Variants in GCNT1 observed in about 807,000 individuals in gnomAD.
GCNT1 encodes beta-1,3-galactosyl-O-glycosyl-glycoprotein beta-1,6-N-acetylglucosaminyltransferase.
GCNT1 carries 16 observed loss-of-function variants against 26.2 expected under a neutral mutation model. The observed-to-expected ratio is 0.61, with a 90% confidence interval of 0.41 to 0.93. The LOEUF is 0.93. Ranked by LOEUF, GCNT1 falls within the 40% of genes least tolerant of loss-of-function variation. GCNT1 has a pLI of 0.00. For missense variants in GCNT1, 477 were observed against 526.7 expected, an observed-to-expected ratio of 0.91 and a Z score of 0.92; for synonymous variants, 183 against 190.8, an observed-to-expected ratio of 0.96 and a Z score of 0.34.
intron 2 of GCNT1, among the ~76,000 whole-genome samples, chr9:76,474,081 C>T (rs1285425391): frequency 6.6e-6 from 1 of 152,152 alleles, no homozygotes; most frequent in Non-Finnish European, 1.5e-5. Flanking sequence ...GCTTGGGTAA[C>T]AGAGCGATAC....
the GCNT1 span, among the ~76,000 whole-genome samples, chr9:76,407,520 G>A: frequency 6.6e-6 from 1 of 152,104 alleles, no homozygotes. Context: ...AGTAAATCCT[G>A]TAGCTTTATA....
intron 1 of GCNT1, among the ~76,000 whole-genome samples, chr9:76,428,691 C>T (rs1587406154): frequency 1.4e-5 from 2 of 144,504 alleles, no homozygotes; most frequent in East Asian, 2.0e-4. Context: ...GTAGCTGTTG[C>T]GTATTCTATT....
At chr9:76,412,380 C>T in the GCNT1 span, among the ~76,000 whole-genome samples, 2 of 152,264 alleles carry the variant, frequency 1.3e-5, no homozygotes, top group South Asian at 4.1e-4. Context: ...CTATGTAGAT[C>T]CACATTTCTG....
chr9:76,414,685 G>T, the GCNT1 span, among the ~76,000 whole-genome samples: 4 of 152,204 alleles, frequency 2.6e-5, no homozygotes, highest in African/African-American at 9.6e-5. Context: ...CATGGCATTT[G>T]TAAACTGTCA....
chr9:76,415,330 T>C (rs1054307712), upstream of GCNT1, among the ~76,000 whole-genome samples: 1 of 152,160 alleles, frequency 6.6e-6, no homozygotes, highest in Non-Finnish European at 1.5e-5. Context: ...GTATTGGGAT[T>C]ACAGGCATGA....
intron 2 of GCNT1, among the ~76,000 whole-genome samples, chr9:76,485,578 C>G (rs1458615021): frequency 6.6e-6 from 1 of 152,202 alleles, no homozygotes; most frequent in Non-Finnish European, 1.5e-5. Context: ...CTGTTTCTCT[C>G]AAATATTTTC....
chr9:76,425,826 G>C (rs1381958172), intron 1 of GCNT1, among the ~76,000 whole-genome samples: 1 of 152,148 alleles, frequency 6.6e-6, no homozygotes, highest in African/African-American at 2.4e-5. Flanking sequence ...ATCATAGAGA[G>C]TCGAAGCTGT....
At chr9:76,469,367 C>T (rs1587431209) in intron 2 of GCNT1, among the ~76,000 whole-genome samples, 1 of 152,144 alleles carries the variant, frequency 6.6e-6, no homozygotes, top group African/African-American at 2.4e-5. Flanking sequence ...GAAGAGAGCT[C>T]ACTAAAATGC....
Position 76,496,177 on chromosome 9 carries a change from T to C in GCNT1, c.-289-4739T>C, listed in dbSNP as rs185404046. 1.2e-4 allele frequency among the ~76,000 whole-genome samples: 19 copies of C among 152,340 alleles called. 1 individual carries two copies. The highest frequency in any genetic ancestry group is 2.2e-4 in the Non-Finnish European group (15 of 68,026). On this transcript the variant is annotated intron_variant, in intron 2 of 3. Coordinates refer to ENST00000376730, the MANE Select transcript of GCNT1 (RefSeq NM_001490.5). ...GCTTTCCATTAGGCCTGGTGTGCCC[T>C]GGAAGGGAGAGCCTCTGCAGAGACT...
In GCNT1 at chr9:76,505,076, TCAG is replaced by T; in HGVS notation, c.*1411_*1413del. 2 of 412,340 alleles carry T rather than the reference TCAG, an allele frequency of 4.9e-6. No homozygotes were observed. The highest frequency in any genetic ancestry group is 8.9e-6 in the Non-Finnish European group (2 of 225,942). 25.5% of individuals were successfully genotyped at this position (412,340 alleles called of 1,614,324 possible). A position where few individuals can be genotyped will look rare whatever the true frequency, so the allele number is the denominator to read the frequency against. On this transcript the variant is annotated 3_prime_UTR_variant, in exon 4 of 4. Coordinates refer to ENST00000376730, the MANE Select transcript of GCNT1 (RefSeq NM_001490.5). ...CGTACTTTTGCCATGTTGATACTGT[TCAG>T]CAAACAAGCTACCAGGAACTGTGAG...
At chr9:76,485,083 G>A (rs565807376) in intron 2 of GCNT1, among the ~76,000 whole-genome samples, 8 of 152,060 alleles carry the variant, frequency 5.3e-5, no homozygotes, top group East Asian at 3.9e-4. Flanking sequence ...CGCCGCGCCC[G>A]ACCATGATTT....
At chr9:76,394,426 T>G in the GCNT1 span, 50 of 353,922 alleles carry the variant, frequency 1.4e-4, no homozygotes, top group East Asian at 1.7e-4. Flanking sequence ...CCGAAGTAAG[T>G]GCCGGGTGTG....
intron 2 of GCNT1, among the ~76,000 whole-genome samples, chr9:76,472,202 G>A (rs192292353): frequency 3.3e-5 from 5 of 152,296 alleles, no homozygotes; most frequent in South Asian, 2.1e-4. Context: ...ACTTGAACCC[G>A]AACCCGGGAG....
At chr9:76,478,552 C>A (rs1027253026) in intron 2 of GCNT1, among the ~76,000 whole-genome samples, 1 of 152,164 alleles carries the variant, frequency 6.6e-6, no homozygotes, top group Non-Finnish European at 1.5e-5. Context: ...CCAGAACCCA[C>A]CAGAAGGAAT....
intron 1 of GCNT1, among the ~76,000 whole-genome samples, chr9:76,423,804 T>A (rs1436079525): frequency 1.1e-4 from 17 of 152,240 alleles, no homozygotes; most frequent in Admixed American, 9.2e-4. Context: ...ATCATTAAAA[T>A]TTCCACTGTA....
intron 2 of GCNT1, among the ~76,000 whole-genome samples, chr9:76,479,528 A>T (rs1049826886): frequency 1.7e-4 from 26 of 152,220 alleles, no homozygotes; most frequent in East Asian, 1.2e-3. Context: ...ACCTGTTGTT[A>T]CCTGACTTTT....
At chr9:76,460,800 A>G (rs960606485) in intron 2 of GCNT1, among the ~76,000 whole-genome samples, 1 of 152,154 alleles carries the variant, frequency 6.6e-6, no homozygotes, top group African/African-American at 2.4e-5. Context: ...CCATTTCATG[A>G]TGAGGGTTTG....
chr9:76,421,800 T>C (rs977878671), intron 1 of GCNT1, among the ~76,000 whole-genome samples: 1 of 146,608 alleles, frequency 6.8e-6, no homozygotes, highest in African/African-American at 2.5e-5. Flanking sequence ...CTCAAACAAT[T>C]CTCCTTCCTC....
chr9:76,478,022 T>C (rs1010224225), intron 2 of GCNT1, among the ~76,000 whole-genome samples: 1 of 152,154 alleles, frequency 6.6e-6, no homozygotes, highest in African/African-American at 2.4e-5. Flanking sequence ...TCTGTAAAAA[T>C]GCACCAATCA....
Sources: allele counts gnomAD v4.1 joint callset (sites outside exome capture counted in the v4.1 genomes callset), GRCh38; gene constraint gnomAD v4.1.1; transcripts MANE v1.5; gene names NCBI Gene and HGNC (gene_info 2026-07-23, HGNC 2026-07-21).